FHIP1B: variants seen among roughly 807,000 people sequenced by gnomAD.
FHIP1B encodes the protein FHF complex subunit HOOK interacting protein 1B.
In FHIP1B, 28 loss-of-function variants were observed where a neutral mutation model predicts 82.2. That is an observed-to-expected ratio of 0.34 (90% CI 0.25 to 0.47). The LOEUF is 0.47. Among genes scored for constraint, FHIP1B ranks in the 20% least tolerant of loss-of-function variants. The pLI is 1.00. For missense variants in FHIP1B, 1,110 were observed against 1,262.6 expected (o/e 0.88, Z 1.83); for synonymous variants, 585 against 516.1 (o/e 1.13, Z -1.81).
rs1847295644 is a variant in FHIP1B, at chr11:6,218,039, G to A, written c.1547C>T (p.Ser516Phe). The A allele has an allele frequency of 1.9e-6, 3 of 1,613,580 alleles. No individual in the cohort carries two copies. Among genetic ancestry groups the A allele is most frequent in the Non-Finnish European group, 2.5e-6 (3 of 1,179,798 alleles). The change falls in exon 9 of 12, where the codon TCT becomes TTT. Residue 516 changes from serine to phenylalanine, a missense_variant. Physicochemically the swap from Ser to Phe is radical, Grantham distance 155. Around this residue, in one of 6 missense-constraint regions of FHIP1B, gnomAD observed 418 missense variants for 371.4 expected, o/e 1.13. Transcript: ENST00000449352. ...TGGTGAGCAAGGGGCTGGGCCTGGA[G>A]ACTCAGAGCCACCCAGGCTCTGCTG... ...LRQQSLGGSE[S>F]PGPAPCSPGL...
chr11:6,225,402 C>T (rs771848808), intron 1 of FHIP1B, among the ~76,000 whole-genome samples: 1 of 152,192 alleles, frequency 6.6e-6, no homozygotes, highest in Non-Finnish European at 1.5e-5. Context: ...CCCAGATAGG[C>T]CCTGCCTAAC....
chr11:6,224,663 G>T lies in FHIP1B; in HGVS notation c.-147C>A. The T allele has an allele frequency of 1.3e-6, 1 of 776,860 alleles. No individual in the cohort carries two copies. 48.1% of individuals were successfully genotyped at this position (776,860 alleles called of 1,614,324 possible). The stretch of plus-strand genomic sequence containing the variant: ...ATGGAGCCAGAGGTTATACCAGGCT[G>T]GAATGGCAAGCCCAGAGGTCACTGG... On this transcript the variant is annotated 5_prime_UTR_variant, in exon 2 of 12. Transcript: ENST00000449352.
chr11:6,222,311 T>C (rs1847431775), intron 6 of FHIP1B, 131 bp downstream of exon 6: 2 of 991,850 alleles, frequency 2.0e-6, no homozygotes, highest in Non-Finnish European at 3.1e-6. Flanking sequence ...GCTGGAAAGT[T>C]AATGCCACTT....
At chr11:6,231,661 T>C (rs1247477849) in intron 1 of FHIP1B, among the ~76,000 whole-genome samples, 1 of 151,684 alleles carries the variant, frequency 6.6e-6, no homozygotes, top group African/African-American at 2.4e-5. Flanking sequence ...TTTTTGGTGG[T>C]GGTTTTATTG....
chr11:6,220,051 C>T (rs1295026886), intron 6 of FHIP1B, among the ~76,000 whole-genome samples: 1 of 152,186 alleles, frequency 6.6e-6, no homozygotes, highest in African/African-American at 2.4e-5. Context: ...CTCAAAGATG[C>T]TCACATCCTA....
At chr11:6,228,889 T>C (rs1847630143) in intron 1 of FHIP1B, among the ~76,000 whole-genome samples, 1 of 152,208 alleles carries the variant, frequency 6.6e-6, no homozygotes, top group Non-Finnish European at 1.5e-5. Flanking sequence ...CTGGAAAAGA[T>C]AAAGTCAACG....
Position 6,224,604 on chromosome 11 carries a change from G to C in FHIP1B, c.-88C>G, listed in dbSNP as rs1333524213. On this transcript the variant is annotated 5_prime_UTR_variant, in exon 2 of 12. Coordinates refer to ENST00000449352, the MANE Select transcript of FHIP1B (RefSeq NM_001098794.2). The stretch of plus-strand genomic sequence containing the variant: ...TTTTCTCCACTTGTGTCTCCAGTCT[G>C]CTTCATCCGGTCTGTAGGAGCCAGT... 1 of 1,404,790 alleles carries C rather than the reference G, an allele frequency of 7.1e-7. No homozygotes were observed. The highest frequency in any genetic ancestry group is 9.6e-7 in the Non-Finnish European group (1 of 1,044,946). 87.0% of individuals were successfully genotyped at this position (1,404,790 alleles called of 1,614,324 possible).
chr11:6,214,516 G>C lies in FHIP1B; in HGVS notation c.2452C>G (p.Pro818Ala). 6.2e-7 allele frequency: 1 copy of C among 1,614,128 alleles called. No individual in the cohort carries two copies. The highest frequency in any genetic ancestry group is 1.1e-5 in the South Asian group (1 of 91,078). The change falls in exon 11 of 12, where the codon CCA (proline) becomes GCA (alanine). Residue 818 changes from proline (P) to alanine (A), a missense_variant. This residue lies in a region of FHIP1B where 147 missense variants were observed against 154.0 expected (regional missense o/e 0.95). Coordinates refer to ENST00000449352, the MANE Select transcript of FHIP1B (RefSeq NM_001098794.2). ...TTCTTGGCTTTGGACAGCAGTGCTG[G>C]GAAGTCCTCCTGGGAAGCCGCAAAG... ...ENFAASQEDF[P>A]ALLSKAKKYL...
chr11:6,225,301 G>A lies in FHIP1B; in HGVS notation c.-191-594C>T, dbSNP rs533939892. Among the ~76,000 whole-genome samples the A allele has an allele frequency of 7.2e-5, 11 of 152,166 alleles. No individual in the cohort carries two copies. In the South Asian group the frequency reaches 2.3e-3, roughly 32 times the overall value. On this transcript the variant is annotated intron_variant, in intron 1 of 11. Transcript: ENST00000449352. ...ACACAGGCCTTCTTGAATACTTTTT[G>A]TTCCCTCTGCCTAGACTAGAATGTC...
intron 1 of FHIP1B, among the ~76,000 whole-genome samples, chr11:6,231,921 T>C (rs539143207): frequency 6.6e-6 from 1 of 152,250 alleles, no homozygotes; most frequent in East Asian, 1.9e-4. Flanking sequence ...CATGTTTTAT[T>C]CATGTTGTTA....
rs1034911837 is a variant in FHIP1B, at chr11:6,217,119, G to A, written c.2215+252C>T. 3 of 703,232 alleles carry A rather than the reference G, an allele frequency of 4.3e-6. No individual in the cohort carries two copies. In the Admixed American group the frequency reaches 6.0e-5, roughly 14 times the overall value. 43.6% of individuals were successfully genotyped at this position (703,232 alleles called of 1,614,324 possible). ...CAGACTAGGGAAAGAGGAGGAACAT[G>A]CACATAGGACATACATACAAGGCTC... On this transcript the variant is annotated intron_variant, in intron 9 of 11. Transcript: ENST00000449352.
intron 1 of FHIP1B, among the ~76,000 whole-genome samples, chr11:6,234,234 G>GC (rs755995388): frequency 3.3e-5 from 5 of 151,556 alleles, no homozygotes; most frequent in Non-Finnish European, 7.4e-5. Flanking sequence ...CTCTCTCCTC[G>GC]CGCAGGCCTT....
Position 6,224,467 on chromosome 11 carries a change from T to C in FHIP1B, c.50A>G (p.His17Arg). The C allele has an allele frequency of 6.2e-7, 1 of 1,613,440 alleles. No homozygotes were observed. Among genetic ancestry groups the C allele is most frequent in the Non-Finnish European group, 8.5e-7 (1 of 1,179,778 alleles). Reference protein sequence around the residue: ...LSRLASRGPGHRIPQGANLQT... With the variant: ...LSRLASRGPGRRIPQGANLQT... ...GAGATTGGCCCCTTGAGGTATACGG[T>C]GCCCAGGGCCCCGGGAGGCCAGTCT... Residue 17 changes from histidine to arginine, a missense_variant, in exon 2 of 12, where the codon CAC (histidine) becomes CGC (arginine). By Grantham distance (29) the His-to-Arg change is conservative. Around this residue, in one of 6 missense-constraint regions of FHIP1B, gnomAD observed 467 missense variants for 602.9 expected, o/e 0.77. Transcript: ENST00000449352.
In FHIP1B at chr11:6,224,418, G is replaced by C. The variant is rs758575248; in HGVS notation, c.99C>G (p.Pro33=). 6.2e-7 allele frequency: 1 copy of C among 1,614,034 alleles called. No homozygotes were observed. Among genetic ancestry groups the C allele is most frequent in the Admixed American group, 1.7e-5 (1 of 60,002 alleles). Residue 33 remains proline, a synonymous_variant, in exon 2 of 12, where the codon CCC becomes CCG. Coordinates refer to ENST00000449352, the MANE Select transcript of FHIP1B (RefSeq NM_001098794.2). The part of the protein sequence containing the change: ...ANLQTPVMAD[P]ETCLMVFKNH... ...TCTTGAAGACCATGAGGCAGGTCTC[G>C]GGATCAGCCATGACTGGGGTTTGGA...
chr11:6,218,477 G>C, intron 8 of FHIP1B, 123 bp downstream of exon 8: 1 of 1,456,176 alleles, frequency 6.9e-7, no homozygotes, highest in Admixed American at 1.9e-5. Flanking sequence ...CCTCCCCAAA[G>C]ACAGACTATC....
In FHIP1B at chr11:6,218,709, A is replaced by G. The variant is rs766008071; in HGVS notation, c.1326T>C (p.Asp442=). The G allele has an allele frequency of 1.9e-6, 3 of 1,614,146 alleles. No homozygotes were observed. Among genetic ancestry groups the G allele is most frequent in the Non-Finnish European group, 2.5e-6 (3 of 1,180,020 alleles). The change falls in exon 8 of 12, where the codon GAT becomes GAC. Residue 442 remains aspartate (D), a synonymous_variant. Transcript: ENST00000449352. ...CAGCTGCTCGTCCATATAGGTCCAC[A>G]TCACGAACAGCCGGCTTCTGGCTCA... is the stretch of plus-strand genomic sequence containing the variant. ...VMLSQKPAVR[D]VDLYGRAADK... is the part of the protein sequence containing the mutation.
intron 10 of FHIP1B, 61 bp downstream of exon 10, chr11:6,214,672 C>T: frequency 1.3e-6 from 2 of 1,545,712 alleles, no homozygotes; most frequent in Non-Finnish European, 1.8e-6. Context: ...AGGGTCACTC[C>T]AGCTGCGGGC....
In FHIP1B at chr11:6,224,251, AG is replaced by A. The variant is rs780283018; in HGVS notation, c.139-4del. The A allele has an allele frequency of 6.2e-7, 1 of 1,611,732 alleles. No individual in the cohort carries two copies. The highest frequency in any genetic ancestry group is 1.1e-5 in the South Asian group (1 of 90,870). On this transcript the variant is annotated splice_polypyrimidine_tract_variant and splice_region_variant and intron_variant, in intron 2 of 11. Coordinates refer to ENST00000449352, the MANE Select transcript of FHIP1B (RefSeq NM_001098794.2). ...TGCCGCTCCAGGATTCGCACCACCT[AG>A]GGAAAAAGGACAGAAGATGGAAGGA...
At chr11:6,218,569 T>A in intron 8 of FHIP1B, 31 bp downstream of exon 8, 1 of 1,613,578 alleles carries the variant, frequency 6.2e-7, no homozygotes, top group Non-Finnish European at 8.5e-7. Context: ...CGTGATGTCC[T>A]CCCTTCTCCC....
Sources: gnomAD v4.1 joint callset for allele counts (sites outside exome capture counted in the v4.1 genomes callset) on GRCh38, gnomAD v4.1.1 for gene constraint, gnomAD v4.1.1 regional missense constraint, MANE v1.5 for transcripts, NCBI Gene and HGNC (gene_info 2026-07-23, HGNC 2026-07-21) for gene names.